Variants in MBNL2 observed in about 807,000 individuals in gnomAD.
MBNL2 encodes the protein muscleblind like splicing regulator 2, also known as muscleblind-like protein 2.
MBNL2 carries 17 observed loss-of-function variants against 41.9 expected under a neutral mutation model. The observed-to-expected ratio is 0.41, with a 90% CI of 0.28 to 0.61. The LOEUF (loss-of-function observed/expected upper bound fraction) is 0.61. Among genes scored for constraint, MBNL2 ranks in the 20% least tolerant of loss-of-function variants. The pLI, the probability that MBNL2 is intolerant of heterozygous loss-of-function variation, is 0.35. For synonymous variants in MBNL2, 195 were observed against 182.9 expected (o/e 1.07, Z -0.53); for missense variants, 336 against 505.6 (o/e 0.66, Z 3.22).
intron 3 of MBNL2, among the ~76,000 whole-genome samples, chr13:97,340,377 A>G (rs1450698561): frequency 5.9e-5 from 9 of 152,210 alleles, no homozygotes; most frequent in Non-Finnish European, 1.3e-4. Flanking sequence ...TTTCAAAAGG[A>G]AAGGGAAATT....
intron 1 of MBNL2, among the ~76,000 whole-genome samples, chr13:97,233,675 T>C (rs1194268614): frequency 7.5e-6 from 1 of 133,590 alleles, no homozygotes; most frequent in African/African-American, 3.0e-5. Context: ...AGTTTCCCTG[T>C]TTTTTTTTTT....
the MBNL2 span, among the ~76,000 whole-genome samples, chr13:97,189,420 A>G: frequency 2.6e-5 from 4 of 152,224 alleles, 1 homozygote; most frequent in Admixed American, 2.0e-4. Flanking sequence ...GATGGAGTAC[A>G]TTTTAGTTTT....
chr13:97,360,515 G>A (rs891131150), intron 7 of MBNL2, among the ~76,000 whole-genome samples: 1 of 152,052 alleles, frequency 6.6e-6, no homozygotes, highest in Non-Finnish European at 1.5e-5. Flanking sequence ...TACAAAAATA[G>A]CAGCATAATA....
At chr13:97,183,368 A>G in the MBNL2 span, among the ~76,000 whole-genome samples, 1 of 152,184 alleles carries the variant, frequency 6.6e-6, no homozygotes, top group Non-Finnish European at 1.5e-5. Context: ...TCTTAATCAC[A>G]TTGAACTTAA....
chr13:97,148,308 C>G, the MBNL2 span, among the ~76,000 whole-genome samples: 1 of 151,692 alleles, frequency 6.6e-6, no homozygotes, highest in African/African-American at 2.4e-5. Context: ...GAAGGACAAC[C>G]TCTGTTAGAG....
chr13:97,327,129 G>A (rs1002118728), intron 2 of MBNL2, among the ~76,000 whole-genome samples: 5 of 152,174 alleles, frequency 3.3e-5, no homozygotes, highest in Non-Finnish European at 5.9e-5. Flanking sequence ...AACTTACGTG[G>A]CACAAGGACG....
chr13:97,149,203 C>T, the MBNL2 span, among the ~76,000 whole-genome samples: 1 of 152,204 alleles, frequency 6.6e-6, no homozygotes, highest in Non-Finnish European at 1.5e-5. Flanking sequence ...TAACATTATG[C>T]TTCCTAAGGT....
In MBNL2 at chr13:97,266,831, A is replaced by G. The variant is rs191143412; in HGVS notation, c.-604-8801A>G. On this transcript the variant is annotated intron_variant, in intron 1 of 8. Transcript: ENST00000679496. Reference sequence around the variant, plus strand: ...GTTTCTTTCTTGTAATTAGATTTATATAAAAAGAATTAAAGGCATCCTATA... The same window carrying G: ...GTTTCTTTCTTGTAATTAGATTTATGTAAAAAGAATTAAAGGCATCCTATA... Among the ~76,000 whole-genome samples, 236 of 152,334 alleles carry G rather than the reference A, an allele frequency of 1.5e-3. 2 individuals are homozygous for G. Among genetic ancestry groups the G allele is most frequent in the African/African-American group, 5.6e-3 (231 of 41,590 alleles).
chr13:97,245,190 C>T (rs913716427), intron 1 of MBNL2, among the ~76,000 whole-genome samples: 1 of 152,174 alleles, frequency 6.6e-6, no homozygotes, highest in Non-Finnish European at 1.5e-5. Flanking sequence ...CAAAAGTAAA[C>T]TTTAGCCCAG....
At chr13:97,375,675 AG>A (rs1332484072) in intron 8 of MBNL2, among the ~76,000 whole-genome samples, 1 of 152,214 alleles carries the variant, frequency 6.6e-6, no homozygotes, top group Non-Finnish European at 1.5e-5. Context: ...CAGCTCCAGT[AG>A]GTAGCAGAGC....
chr13:97,154,571 C>A, the MBNL2 span, among the ~76,000 whole-genome samples: 1 of 152,096 alleles, frequency 6.6e-6, no homozygotes, highest in Non-Finnish European at 1.5e-5. Flanking sequence ...CTGCCTTGGC[C>A]TCCCAAAGTG....
the MBNL2 span, among the ~76,000 whole-genome samples, chr13:97,187,448 A>C: frequency 6.6e-6 from 1 of 151,852 alleles, no homozygotes. Flanking sequence ...AGGTTCAAAA[A>C]TAGGAGAAGC....
At chr13:97,203,072 A>G in the MBNL2 span, among the ~76,000 whole-genome samples, 8 of 152,194 alleles carry the variant, frequency 5.3e-5, no homozygotes, top group Admixed American at 2.6e-4. Context: ...TGGGTAGACC[A>G]GAAGGATTCA....
intron 1 of MBNL2, among the ~76,000 whole-genome samples, chr13:97,272,043 C>T (rs138166537): frequency 0.015 from 2,254 of 152,266 alleles, 76 homozygotes; most frequent in African/African-American, 0.051. Flanking sequence ...TTCCCACCAA[C>T]AGTATAAAAG....
At chr13:97,318,005 A>T (rs1203621488) in intron 2 of MBNL2, among the ~76,000 whole-genome samples, 5 of 152,218 alleles carry the variant, frequency 3.3e-5, no homozygotes, top group African/African-American at 1.2e-4. Context: ...ATAAAGTAGG[A>T]ATCAATAATT....
At chr13:97,345,013 G>C (rs1160432580) in intron 4 of MBNL2, among the ~76,000 whole-genome samples, 2 of 151,508 alleles carry the variant, frequency 1.3e-5, no homozygotes, top group East Asian at 1.9e-4. Flanking sequence ...CTCAGAATCC[G>C]TGGGAACATC....
intron 1 of MBNL2, among the ~76,000 whole-genome samples, chr13:97,243,560 T>A (rs2044761543): frequency 6.6e-6 from 1 of 152,180 alleles, no homozygotes; most frequent in African/African-American, 2.4e-5. Context: ...ATGCCCCATA[T>A]GCCAGAAATC....
At chr13:97,163,651 C>T in the MBNL2 span, among the ~76,000 whole-genome samples, 2 of 152,156 alleles carry the variant, frequency 1.3e-5, no homozygotes, top group Non-Finnish European at 2.9e-5. Flanking sequence ...GGGTGGCCAA[C>T]TTTATACAAA....
chr13:97,328,160 G>C (rs922528931), intron 2 of MBNL2, among the ~76,000 whole-genome samples: 1 of 150,210 alleles, frequency 6.7e-6, no homozygotes, highest in Non-Finnish European at 1.5e-5. Flanking sequence ...GTTCTGAGAC[G>C]GTTTCCTTAA....
Sources: allele counts gnomAD v4.1 joint callset (sites outside exome capture counted in the v4.1 genomes callset), GRCh38; gene constraint gnomAD v4.1.1; transcripts MANE v1.5; gene names NCBI Gene and HGNC (gene_info 2026-07-23, HGNC 2026-07-21).